Variants in SCHIP1 observed in about 807,000 individuals in gnomAD.
The protein encoded by SCHIP1 is schwannomin-interacting protein 1.
A neutral mutation model predicts 29.7 loss-of-function variants in SCHIP1; 8 were observed. The observed-to-expected ratio is 0.27, with a 90% CI of 0.16 to 0.49. The LOEUF (loss-of-function observed/expected upper bound fraction) is 0.49. Ranked by LOEUF, SCHIP1 falls within the 20% of genes least tolerant of loss-of-function variation. The pLI, the probability that SCHIP1 is intolerant of heterozygous loss-of-function variation, is 0.99. For synonymous variants in SCHIP1, 76 were observed against 94.9 expected (o/e 0.80, Z 1.16); for missense variants, 193 against 294.6 (o/e 0.66, Z 2.52).
At chr3:159,728,425 G>T in the SCHIP1 span, among the ~76,000 whole-genome samples, 1 of 152,186 alleles carries the variant, frequency 6.6e-6, no homozygotes, top group East Asian at 1.9e-4. Context: ...TCTAGAGGGT[G>T]CTATACTACT....
chr3:159,718,095 T>C, the SCHIP1 span, among the ~76,000 whole-genome samples: 1 of 152,204 alleles, frequency 6.6e-6, no homozygotes, highest in Non-Finnish European at 1.5e-5. Flanking sequence ...TAAATAAATG[T>C]AATCCATTAT....
the SCHIP1 span, chr3:159,764,710 G>A: frequency 1.9e-6 from 3 of 1,576,860 alleles, no homozygotes; most frequent in Non-Finnish European, 2.6e-6. This position sits in a 1 kb window ranked among gnomAD's most constrained non-coding sequence, Gnocchi z 6.1. Flanking sequence ...CGACCAGCGA[G>A]GGTACCGGGA....
At chr3:159,821,231 T>C in the SCHIP1 span, among the ~76,000 whole-genome samples, 5 of 152,024 alleles carry the variant, frequency 3.3e-5, no homozygotes, top group African/African-American at 1.2e-4. Context: ...GATTGGAAAG[T>C]GTTCAAAGGA....
the SCHIP1 span, among the ~76,000 whole-genome samples, chr3:159,637,374 CA>C: frequency 1.1e-3 from 40 of 37,284 alleles, no homozygotes; most frequent in African/African-American, 9.0e-3. Context: ...GCCCCAGCCA[CA>C]CACACACACA....
chr3:159,662,464 T>C, the SCHIP1 span, among the ~76,000 whole-genome samples: 1 of 152,202 alleles, frequency 6.6e-6, no homozygotes, highest in African/African-American at 2.4e-5. Flanking sequence ...CAAATGCCAC[T>C]TGAGGCAGCC....
At chr3:159,779,650 G>A in the SCHIP1 span, among the ~76,000 whole-genome samples, 1 of 151,646 alleles carries the variant, frequency 6.6e-6, no homozygotes, top group Non-Finnish European at 1.5e-5. Flanking sequence ...TGCAGTCCAT[G>A]AGACTCCATG....
At chr3:159,521,030 G>A in the SCHIP1 span, among the ~76,000 whole-genome samples, 4 of 152,144 alleles carry the variant, frequency 2.6e-5, no homozygotes, top group Non-Finnish European at 5.9e-5. Context: ...GTCAAAGAGA[G>A]CATATTAAAA....
chr3:159,590,032 A>G, the SCHIP1 span, among the ~76,000 whole-genome samples: 2 of 152,180 alleles, frequency 1.3e-5, no homozygotes, highest in Non-Finnish European at 2.9e-5. Flanking sequence ...TCTGAAATTC[A>G]AGTTTAGTTA....
intron 2 of SCHIP1, among the ~76,000 whole-genome samples, chr3:159,878,568 G>A (rs1468291294): frequency 2.6e-5 from 4 of 151,698 alleles, no homozygotes; most frequent in African/African-American, 9.7e-5. Context: ...CACGAGGTCA[G>A]GAGATCGAGA....
the SCHIP1 span, among the ~76,000 whole-genome samples, chr3:159,393,817 G>C: frequency 6.6e-6 from 1 of 151,980 alleles, no homozygotes; most frequent in African/African-American, 2.4e-5. Context: ...GGTTCCATAT[G>C]AACTTTAAAG....
the SCHIP1 span, among the ~76,000 whole-genome samples, chr3:159,655,080 C>T: frequency 1.3e-5 from 2 of 152,206 alleles, no homozygotes; most frequent in South Asian, 4.1e-4. Context: ...CTGGGTTCAA[C>T]TCCCAGCTCT....
At chr3:159,497,207 C>A in the SCHIP1 span, among the ~76,000 whole-genome samples, 1 of 151,744 alleles carries the variant, frequency 6.6e-6, no homozygotes, top group African/African-American at 2.4e-5. Flanking sequence ...GTGTAACAAA[C>A]CTGCATGTTG....
At chr3:159,404,397 G>A in the SCHIP1 span, among the ~76,000 whole-genome samples, 69 of 152,218 alleles carry the variant, frequency 4.5e-4, 2 homozygotes, top group South Asian at 0.014. Flanking sequence ...GGTCAGAGAG[G>A]AGCCCACTGC....
chr3:159,320,791 A>C, the SCHIP1 span, among the ~76,000 whole-genome samples: 1 of 151,900 alleles, frequency 6.6e-6, no homozygotes, highest in Non-Finnish European at 1.5e-5. Context: ...ACTTTCAATA[A>C]CAGCTCCCTT....
the SCHIP1 span, among the ~76,000 whole-genome samples, chr3:159,283,192 G>A: frequency 2.6e-5 from 4 of 151,792 alleles, no homozygotes; most frequent in African/African-American, 9.7e-5. Context: ...TCACTCTGTC[G>A]CTCAGGCTGG....
intron 1 of SCHIP1, among the ~76,000 whole-genome samples, chr3:159,865,356 C>T (rs1012111095): frequency 1.3e-5 from 2 of 152,178 alleles, no homozygotes; most frequent in African/African-American, 2.4e-5. Context: ...TTTAAAAGTT[C>T]AGCATGGTGA....
chr3:159,372,521 T>G, the SCHIP1 span, among the ~76,000 whole-genome samples: 2 of 152,134 alleles, frequency 1.3e-5, no homozygotes, highest in Non-Finnish European at 2.9e-5. Context: ...ATTTTTATAT[T>G]TTCACATTTA....
chr3:159,780,172 G>T, the SCHIP1 span, among the ~76,000 whole-genome samples: 3 of 152,190 alleles, frequency 2.0e-5, no homozygotes, highest in African/African-American at 7.2e-5. Flanking sequence ...GAGCTCCCGG[G>T]AAATTTATGT....
the SCHIP1 span, among the ~76,000 whole-genome samples, chr3:159,612,850 TC>T: frequency 1.3e-5 from 2 of 152,242 alleles, no homozygotes; most frequent in East Asian, 3.8e-4. Context: ...TTCATCTCTT[TC>T]AGATGAAGAT....
Sources: allele counts gnomAD v4.1 joint callset (sites outside exome capture counted in the v4.1 genomes callset), GRCh38; gene constraint gnomAD v4.1.1; non-coding constraint Gnocchi (gnomAD v3.1); transcripts MANE v1.5; gene names NCBI Gene and HGNC (gene_info 2026-07-23, HGNC 2026-07-21).